The following ITPRID1 variants were observed in gnomAD, a reference collection of about 807,000 sequenced individuals.
ITPRID1 encodes the protein protein ITPRID1.
In ITPRID1, 96 loss-of-function variants were observed where a neutral mutation model predicts 95.4. The observed-to-expected ratio is 1.01, with a 90% CI of 0.85 to 1.19. ITPRID1 has a LOEUF of 1.19. ITPRID1 is among the 50% of genes most tolerant of loss of function. The pLI is 0.00. For synonymous variants in ITPRID1, 510 were observed against 453.6 expected (o/e 1.12, Z -1.58); for missense variants, 1,339 against 1,252.9 (o/e 1.07, Z -1.04).
chr7:31,612,049 T>C (rs1176249348), intron 10 of ITPRID1, among the ~76,000 whole-genome samples: 1 of 151,988 alleles, frequency 6.6e-6, no homozygotes, highest in East Asian at 1.9e-4. Flanking sequence ...ATTTTTTTTC[T>C]GTTTTTCCAG....
intron 5 of ITPRID1, among the ~76,000 whole-genome samples, chr7:31,569,314 TC>T (rs1449999206): frequency 6.6e-6 from 1 of 152,162 alleles, no homozygotes; most frequent in African/African-American, 2.4e-5. Context: ...CTTCACAACT[TC>T]CTGTACCATG....
chr7:31,518,894 T>C (rs1783130098), intron 1 of ITPRID1, among the ~76,000 whole-genome samples: 1 of 152,212 alleles, frequency 6.6e-6, no homozygotes, highest in South Asian at 2.1e-4. Flanking sequence ...CTTAATCTTC[T>C]ATCAGATTCC....
intron 10 of ITPRID1, among the ~76,000 whole-genome samples, chr7:31,600,586 G>A (rs1786351670): frequency 6.6e-6 from 1 of 152,140 alleles, no homozygotes; most frequent in South Asian, 2.1e-4. Flanking sequence ...TTGCATAACC[G>A]GGATCCTAGG....
intron 10 of ITPRID1, among the ~76,000 whole-genome samples, chr7:31,599,111 G>T: frequency 6.6e-6 from 1 of 152,098 alleles, no homozygotes; most frequent in East Asian, 1.9e-4. Flanking sequence ...GAAAGTATAA[G>T]AATCATTTTG....
chr7:31,533,850 T>C, intron 1 of ITPRID1, among the ~76,000 whole-genome samples: 1 of 152,184 alleles, frequency 6.6e-6, no homozygotes, highest in Non-Finnish European at 1.5e-5. Flanking sequence ...TTTATTAATA[T>C]GTGTCTTATG....
In ITPRID1 at chr7:31,590,167, C is replaced by G. The variant is rs139336148; in HGVS notation, c.1228+6976C>G. ...CACTGCAACCTTGAACTCCTAGTGT[C>G]AAGAGATCCTCCTGCCTCTGCCTAC... On this transcript the variant is annotated intron_variant, in intron 10 of 14. Transcript: ENST00000615280. Among the ~76,000 whole-genome samples the G allele has an allele frequency of 2.2e-3, 334 of 152,160 alleles. 4 individuals carry two copies. Among genetic ancestry groups the G allele is most frequent in the African/African-American group, 7.7e-3 (320 of 41,518 alleles).
At chr7:31,606,931 G>T (rs1251828277) in intron 10 of ITPRID1, among the ~76,000 whole-genome samples, 1 of 151,628 alleles carries the variant, frequency 6.6e-6, no homozygotes, top group African/African-American at 2.4e-5. Flanking sequence ...CTTACTCTTG[G>T]TATCTACTCT....
chr7:31,552,922 CCTT>C, intron 2 of ITPRID1, 77 bp from the exon 3 acceptor site: 3 of 1,383,650 alleles, frequency 2.2e-6, no homozygotes, highest in Non-Finnish European at 2.9e-6. Flanking sequence ...GGCATTCTGG[CCTT>C]CTTTCTCCCT....
rs79529248 is a variant in ITPRID1, at chr7:31,565,012, G to A, written c.257-4746G>A. On this transcript the variant is annotated intron_variant, in intron 5 of 14. Transcript: ENST00000615280. Reference sequence around the variant, plus strand: ...CCTGACAAACACATCCTCAGGTCCCGGGAAATTTACCTTACAAATTAACAA... The same window carrying A: ...CCTGACAAACACATCCTCAGGTCCCAGGAAATTTACCTTACAAATTAACAA... Among the ~76,000 whole-genome samples, 647 of 152,150 alleles carry A rather than the reference G, an allele frequency of 4.3e-3. 1 individual carries two copies. The highest frequency in any genetic ancestry group is 7.1e-3 in the Non-Finnish European group (481 of 67,992).
In ITPRID1 at chr7:31,585,933, C is replaced by A. The variant is rs938993881; in HGVS notation, c.1228+2742C>A. ...ATACATGTGCCATGCTGGTGCGCTG[C>A]ACCCACTAACTCGTCATCTAGCATT... is the stretch of plus-strand genomic sequence containing the variant. On this transcript the variant is annotated intron_variant, in intron 10 of 14. Coordinates refer to ENST00000615280, the MANE Select transcript of ITPRID1 (RefSeq NM_001257967.3). Among the ~76,000 whole-genome samples, 4 of 149,514 alleles carry A rather than the reference C, an allele frequency of 2.7e-5. No individual in the cohort carries two copies. In the East Asian group the frequency reaches 7.9e-4, roughly 29 times the overall value.
chr7:31,598,645 C>T (rs952278110), intron 10 of ITPRID1, among the ~76,000 whole-genome samples: 1 of 151,940 alleles, frequency 6.6e-6, no homozygotes, highest in Non-Finnish European at 1.5e-5. Flanking sequence ...CCTCGTGATC[C>T]GCCCGCCTTG....
intron 10 of ITPRID1, among the ~76,000 whole-genome samples, chr7:31,598,832 T>C (rs2128158562): frequency 6.6e-6 from 1 of 152,342 alleles, no homozygotes; most frequent in South Asian, 2.1e-4. Context: ...TACCCTGTTA[T>C]AATCAGGAGC....
intron 10 of ITPRID1, among the ~76,000 whole-genome samples, chr7:31,598,685 G>C (rs1464501292): frequency 1.3e-5 from 2 of 152,006 alleles, no homozygotes; most frequent in Non-Finnish European, 2.9e-5. Context: ...TTACAGGCGT[G>C]AGCCACCGCG....
At chr7:31,616,784 C>A (rs1404473648) in intron 10 of ITPRID1, among the ~76,000 whole-genome samples, 2 of 145,524 alleles carry the variant, frequency 1.4e-5, no homozygotes, top group African/African-American at 5.3e-5. Context: ...AAAAAGGTTT[C>A]TAAATTTCAT....
In ITPRID1 at chr7:31,584,590, A is replaced by T. The variant is rs370711533; in HGVS notation, c.1228+1399A>T. On this transcript the variant is annotated intron_variant, in intron 10 of 14. Transcript: ENST00000615280. Reference sequence around the variant, plus strand: ...ATTACTAATCTACATTTCATCTCGAATTGAGAGAGCAAAGTAAGGTAGGTG... The same window carrying T: ...ATTACTAATCTACATTTCATCTCGATTTGAGAGAGCAAAGTAAGGTAGGTG... Among the ~76,000 whole-genome samples the T allele has an allele frequency of 2.6e-5, 4 of 152,216 alleles. No homozygotes were observed. In the East Asian group the frequency reaches 5.8e-4, roughly 22 times the overall value.
At chr7:31,520,096 T>G (rs377593962) in intron 1 of ITPRID1, among the ~76,000 whole-genome samples, 1 of 152,146 alleles carries the variant, frequency 6.6e-6, no homozygotes, top group East Asian at 1.9e-4. Context: ...CAAAGAATAC[T>G]GATCAAGTAT....
chr7:31,560,288 T>C (rs1436707288), intron 5 of ITPRID1, among the ~76,000 whole-genome samples: 1 of 152,186 alleles, frequency 6.6e-6, no homozygotes, highest in African/African-American at 2.4e-5. Flanking sequence ...TAAAGAATTA[T>C]CCAGAAGCCA....
chr7:31,646,588 C>T (rs1043659581), intron 12 of ITPRID1, among the ~76,000 whole-genome samples: 1 of 152,148 alleles, frequency 6.6e-6, no homozygotes, highest in Admixed American at 6.5e-5. Context: ...TCTTCTTATT[C>T]CTCCTTCCTA....
In ITPRID1 at chr7:31,578,304, C is replaced by T. The variant is rs972779944; in HGVS notation, c.1040C>T (p.Ala347Val). The T allele has an allele frequency of 6.2e-7, 1 of 1,613,812 alleles. No homozygotes were observed. The highest frequency in any genetic ancestry group is 8.5e-7 in the Non-Finnish European group (1 of 1,179,856). ...WPCSSMPAKQ[A>V]PPSCVSEGSV... ...TGCTCATCTATGCCGGCCAAGCAGG[C>T]TCCTCCTTCCTGTGTGTCTGAGGGG... Residue 347 changes from alanine to valine, a missense_variant, in exon 9 of 15, where the codon GCT becomes GTT. Physicochemically the swap from Ala to Val is moderately conservative, Grantham distance 64 (BLOSUM62 0). Coordinates refer to ENST00000615280, the MANE Select transcript of ITPRID1 (RefSeq NM_001257967.3).
Sources: allele counts gnomAD v4.1 joint callset (sites outside exome capture counted in the v4.1 genomes callset), GRCh38; gene constraint gnomAD v4.1.1; transcripts MANE v1.5; gene names NCBI Gene and HGNC (gene_info 2026-07-23, HGNC 2026-07-21).